Variants in PLAC1 observed in about 807,000 individuals in gnomAD.
The protein encoded by PLAC1 is placenta associated 1.
For missense variants in PLAC1, 136 were observed against 163.2 expected (o/e 0.83, Z 0.91); for synonymous variants, 68 against 62.1 (o/e 1.09, Z -0.44).
chrX:134,722,718 C>T lies in PLAC1; in HGVS notation n.174+10717G>A, dbSNP rs758488429. 7.1e-5 allele frequency among the ~76,000 whole-genome samples: 8 copies of T among 111,897 alleles called. No homozygotes were observed. In the South Asian group the frequency reaches 3.0e-3, roughly 41 times the overall value. On this transcript the variant is annotated intron_variant and non_coding_transcript_variant, in intron 2 of 2. Transcript: ENST00000466797. ...ATAAAAAACGAAAAAGTTATTTTTG[C>T]AGGGAGATAACTGATTTTTGGTTTA...
intron 1 of PLAC1, among the ~76,000 whole-genome samples, chrX:134,657,038 G>A (rs749341778): frequency 2.7e-5 from 3 of 112,251 alleles, no homozygotes; most frequent in South Asian, 3.7e-4. Flanking sequence ...CAGCAGCTCC[G>A]AGCTGTCACT....
At chrX:134,594,134 AT>A (rs1009621062) in intron 2 of PLAC1, among the ~76,000 whole-genome samples, 17 of 111,079 alleles carry the variant, frequency 1.5e-4, no homozygotes, top group Admixed American at 2.9e-4. Flanking sequence ...GAATTTTGTC[AT>A]TTTTTTGGCA....
chrX:134,666,053 G>T (rs918828530), intron 2 of PLAC1, among the ~76,000 whole-genome samples: 1 of 111,534 alleles, frequency 9.0e-6, no homozygotes, highest in African/African-American at 3.3e-5. Flanking sequence ...GATCTAAGCA[G>T]TGCATCTCTG....
At chrX:134,713,586 C>A (rs929068127) in intron 2 of PLAC1, among the ~76,000 whole-genome samples, 1 of 111,796 alleles carries the variant, frequency 8.9e-6, no homozygotes, top group Non-Finnish European at 1.9e-5. Context: ...TTAATTTGGG[C>A]AGGAGTTCGC....
chrX:134,682,724 T>C (rs905694447), intron 2 of PLAC1, among the ~76,000 whole-genome samples: 3 of 110,270 alleles, frequency 2.7e-5, no homozygotes, highest in Non-Finnish European at 5.7e-5. Flanking sequence ...CCCAGCTAAT[T>C]TTTGTATTTT....
intron 1 of PLAC1, among the ~76,000 whole-genome samples, chrX:134,746,235 T>C (rs780084267): frequency 1.8e-5 from 2 of 111,484 alleles, no homozygotes; most frequent in South Asian, 7.8e-4. Context: ...TTTTTAATTT[T>C]TCAAAACTCC....
At chrX:134,612,646 T>A (rs1160689888) in intron 1 of PLAC1, among the ~76,000 whole-genome samples, 1 of 111,944 alleles carries the variant, frequency 8.9e-6, no homozygotes, top group Non-Finnish European at 1.9e-5. Context: ...ACAGTCTCCA[T>A]ACAAGCCTCT....
chrX:134,720,490 T>A (rs367634040), intron 2 of PLAC1, among the ~76,000 whole-genome samples: 9 of 109,139 alleles, frequency 8.2e-5, no homozygotes, highest in Middle Eastern at 4.7e-3. Context: ...GAAATTGACA[T>A]GTTGATCTTA....
At chrX:134,691,119 T>TC (rs1425386323) in intron 2 of PLAC1, among the ~76,000 whole-genome samples, 2 of 100,901 alleles carry the variant, frequency 2.0e-5, no homozygotes, top group East Asian at 6.1e-4. Flanking sequence ...TTTTTTCTTT[T>TC]TTTTTTTTTC....
At chrX:134,569,299 C>G (rs182138856) in intron 2 of PLAC1, among the ~76,000 whole-genome samples, 4 of 111,811 alleles carry the variant, frequency 3.6e-5, no homozygotes, top group Non-Finnish European at 7.5e-5. Flanking sequence ...CACCCCCACA[C>G]GTTCACTTCT....
At chrX:134,745,807 T>C (rs1471197151) in intron 1 of PLAC1, among the ~76,000 whole-genome samples, 2 of 111,459 alleles carry the variant, frequency 1.8e-5, no homozygotes, top group Admixed American at 9.5e-5. Flanking sequence ...TATGATTCTA[T>C]ACATGAAAAG....
At chrX:134,739,655 C>T (rs754381602) in intron 1 of PLAC1, among the ~76,000 whole-genome samples, 2 of 112,978 alleles carry the variant, frequency 1.8e-5, no homozygotes, top group African/African-American at 6.4e-5. Flanking sequence ...GTGTCCGTGC[C>T]AGAATGGCAA....
At chrX:134,612,753 C>T (rs180815958) in intron 1 of PLAC1, among the ~76,000 whole-genome samples, 48 of 111,553 alleles carry the variant, frequency 4.3e-4, no homozygotes, top group Non-Finnish European at 6.4e-4. Flanking sequence ...AAACAAAATC[C>T]TCCTTTTCCA....
chrX:134,584,895 T>A (rs968490417), intron 2 of PLAC1, among the ~76,000 whole-genome samples: 1 of 110,888 alleles, frequency 9.0e-6, no homozygotes, highest in African/African-American at 3.3e-5. Flanking sequence ...CTCAATTTCA[T>A]ACCTGATTTC....
intron 2 of PLAC1, among the ~76,000 whole-genome samples, chrX:134,574,236 T>A (rs2077925946): frequency 9.0e-6 from 1 of 111,674 alleles, no homozygotes; most frequent in Non-Finnish European, 1.9e-5. Flanking sequence ...TACCATAAAT[T>A]CCTTTAAAAA....
chrX:134,633,136 G>T (rs532393580), intron 1 of PLAC1, among the ~76,000 whole-genome samples: 1 of 111,385 alleles, frequency 9.0e-6, no homozygotes, highest in Non-Finnish European at 1.9e-5. Flanking sequence ...TTTCTTCCCC[G>T]TCTTGTCTCC....
chrX:134,657,135 G>T (rs1278423499), intron 1 of PLAC1, among the ~76,000 whole-genome samples: 5 of 111,926 alleles, frequency 4.5e-5, no homozygotes, highest in Non-Finnish European at 9.4e-5. Context: ...AAGGACCAAG[G>T]GTTGCGACCA....
chrX:134,578,241 G>A (rs777673437), intron 2 of PLAC1, among the ~76,000 whole-genome samples: 50 of 109,454 alleles, frequency 4.6e-4, no homozygotes, highest in African/African-American at 1.6e-3. Flanking sequence ...GTGAAACCCC[G>A]TCTCTACTAA....
At chrX:134,579,908 C>A (rs188935354) in intron 2 of PLAC1, among the ~76,000 whole-genome samples, 12 of 111,755 alleles carry the variant, frequency 1.1e-4, no homozygotes, top group Non-Finnish European at 1.9e-4. Flanking sequence ...CCAAACATAG[C>A]TATTTCTCAG....
Sources: allele counts gnomAD v4.1 joint callset (sites outside exome capture counted in the v4.1 genomes callset), GRCh38; gene constraint gnomAD v4.1.1; transcripts MANE v1.5; gene names NCBI Gene and HGNC (gene_info 2026-07-23, HGNC 2026-07-21).